The following STARD8 variants were observed in gnomAD, a reference collection of about 807,000 sequenced individuals.
STARD8 encodes the protein StAR related lipid transfer domain containing 8, also known as stAR-related lipid transfer protein 8.
In STARD8, 25 loss-of-function variants were observed where a neutral mutation model predicts 69.4. That is an observed-to-expected ratio of 0.36 (90% CI 0.26 to 0.50). The LOEUF is 0.50. STARD8 is among the 20% of genes least tolerant of loss of function. The probability of loss-of-function intolerance (pLI) is 0.96; values close to 1 mark genes in which losing one functional copy is unlikely to be tolerated. For synonymous variants in STARD8, 389 were observed against 374.6 expected, an observed-to-expected ratio of 1.04 and a Z score of -0.45; for missense variants, 921 against 932.5, an observed-to-expected ratio of 0.99 and a Z score of 0.16.
At position 68,649,287 on chromosome X, in the gene STARD8, GT is replaced by G. The variant is rs764286591; in HGVS notation, c.45+1363del. On this transcript the variant is annotated intron_variant, in intron 1 of 14. Coordinates refer to ENST00000374599, the MANE Select transcript of STARD8 (RefSeq NM_001142503.3). ...GGCAGAGGGAACTTCGTGAGCTAGA[GT>G]TTGGAGGCAGTCAAATGGTAGTGGG... Among the ~76,000 whole-genome samples the G allele has an allele frequency of 2.7e-5, 3 of 111,641 alleles. No homozygotes were observed. In the East Asian group the frequency reaches 8.5e-4, roughly 32 times the overall value.
At chrX:68,659,203 G>A (rs1214073697) in intron 1 of STARD8, among the ~76,000 whole-genome samples, 2 of 112,049 alleles carry the variant, frequency 1.8e-5, no homozygotes, top group African/African-American at 6.5e-5. Flanking sequence ...CACAATGGGT[G>A]CTCAGTAAAT....
At chrX:68,650,348 C>T (rs1285127849) in intron 1 of STARD8, among the ~76,000 whole-genome samples, 3 of 108,195 alleles carry the variant, frequency 2.8e-5, no homozygotes, top group Non-Finnish European at 5.7e-5. Context: ...ATTGCTTGAG[C>T]CCAGGAGTTC....
intron 8 of STARD8, among the ~76,000 whole-genome samples, chrX:68,720,677 A>T (rs1353166965): frequency 1.8e-5 from 2 of 112,650 alleles, no homozygotes; most frequent in Non-Finnish European, 3.8e-5. Flanking sequence ...GGGAGCCTGA[A>T]TTTGCCTAGA....
At chrX:68,690,437 G>A (rs1057324097) in intron 2 of STARD8, among the ~76,000 whole-genome samples, 2 of 105,682 alleles carry the variant, frequency 1.9e-5, no homozygotes, top group African/African-American at 3.7e-5. Flanking sequence ...CAGGCAGGGC[G>A]GGGGGACTGT....
chrX:68,698,364 A>G (rs747600323), intron 2 of STARD8, among the ~76,000 whole-genome samples: 2 of 111,374 alleles, frequency 1.8e-5, no homozygotes, highest in Non-Finnish European at 3.8e-5. Context: ...AGAAATGCCC[A>G]CCCAAAGGGT....
chrX:68,669,960 C>T (rs1224190162), intron 2 of STARD8, among the ~76,000 whole-genome samples: 1 of 112,367 alleles, frequency 8.9e-6, no homozygotes, highest in Admixed American at 9.4e-5. Context: ...ATAACGGAGT[C>T]TTGACAGATC....
intron 1 of STARD8, among the ~76,000 whole-genome samples, chrX:68,650,986 A>G (rs1272697318): frequency 8.9e-6 from 1 of 112,533 alleles, no homozygotes; most frequent in Non-Finnish European, 1.9e-5. Context: ...ATGCACAGGC[A>G]CACCATTCAA....
Position 68,718,433 on chromosome X carries a change from C to A in STARD8, c.1519C>A (p.Pro507Thr). The change falls in exon 6 of 15, where the codon CCC (proline) becomes ACC (threonine). Residue 507 changes from proline to threonine, a missense_variant. Physicochemically the swap from Pro to Thr is conservative, Grantham distance 38 (BLOSUM62 -1). Transcript: ENST00000374599. ...GCAGGAGGCACATTCAGGCGGGGAA[C>A]CCACCTTTGCCTCTAGCCTGTCTGT... ...SEQEAHSGGE[P>T]TFASSLSVEE... is the part of the protein sequence containing the mutation. The A allele has an allele frequency of 8.3e-7, 1 of 1,210,986 alleles. No homozygotes were observed. The highest frequency in any genetic ancestry group is 1.1e-6 in the Non-Finnish European group (1 of 895,148).
At chrX:68,681,264 G>A (rs1393808346) in intron 2 of STARD8, among the ~76,000 whole-genome samples, 2 of 111,594 alleles carry the variant, frequency 1.8e-5, no homozygotes, top group African/African-American at 3.3e-5. Context: ...GAAAGCTGCC[G>A]TACGCTGCTA....
chrX:68,721,237 T>A, intron 9 of STARD8, 115 bp downstream of exon 9: 1 of 868,789 alleles, frequency 1.2e-6, no homozygotes, highest in Non-Finnish European at 1.6e-6. Context: ...TGTGAGCTGA[T>A]TGGAACAGTT....
chrX:68,654,733 G>GCACA (rs755613596), intron 1 of STARD8, among the ~76,000 whole-genome samples: 1,150 of 108,489 alleles, frequency 0.011, 16 homozygotes, highest in African/African-American at 0.037. Context: ...TCACATTCAT[G>GCACA]CACACACACA....
chrX:68,671,472 A>G (rs2079728138), intron 2 of STARD8, among the ~76,000 whole-genome samples: 1 of 113,096 alleles, frequency 8.8e-6, no homozygotes, highest in African/African-American at 3.2e-5. Context: ...CTGGATTCCC[A>G]GAACTAAGCA....
chrX:68,659,261 G>A (rs1029652253), intron 1 of STARD8, among the ~76,000 whole-genome samples: 1 of 111,635 alleles, frequency 9.0e-6, no homozygotes, highest in Non-Finnish European at 1.9e-5. Context: ...GGTGACCCTG[G>A]GCCCATAGCT....
intron 2 of STARD8, among the ~76,000 whole-genome samples, chrX:68,679,306 G>C (rs746389267): frequency 1.8e-5 from 2 of 111,514 alleles, no homozygotes; most frequent in African/African-American, 6.5e-5. Context: ...GGGACTTGGA[G>C]ACTCCTGGCT....
In STARD8 at chrX:68,658,514, G is replaced by GA. The variant is rs201423374; in HGVS notation, c.46-6976dup. ...ACTTCTATGAACTTCCAGGCCAAATGAAAAAAAAATGCTGCTCCCAAATGT... is the reference window on the plus strand; with the variant it reads ...ACTTCTATGAACTTCCAGGCCAAATGAAAAAAAAAATGCTGCTCCCAAATGT... On this transcript the variant is annotated intron_variant, in intron 1 of 14. Coordinates refer to ENST00000374599, the MANE Select transcript of STARD8 (RefSeq NM_001142503.3). Among the ~76,000 whole-genome samples the GA allele has an allele frequency of 4.6e-3, 503 of 109,644 alleles. 3 individuals carry two copies. The highest frequency in any genetic ancestry group is 0.016 in the African/African-American group (470 of 30,206).
At chrX:68,712,435 G>A (rs1370646431) in intron 2 of STARD8, among the ~76,000 whole-genome samples, 1 of 112,814 alleles carries the variant, frequency 8.9e-6, no homozygotes, top group African/African-American at 3.2e-5. Flanking sequence ...TCAAAGTGCT[G>A]AAGAATGTTA....
intron 2 of STARD8, among the ~76,000 whole-genome samples, chrX:68,671,719 C>A (rs1333310170): frequency 8.9e-6 from 1 of 112,147 alleles, no homozygotes; most frequent in Non-Finnish European, 1.9e-5. Flanking sequence ...TGGTGCAGAT[C>A]CGTGTAAAAC....
chrX:68,717,196 G>T lies in STARD8; in HGVS notation c.298-16G>T. On this transcript the variant is annotated splice_polypyrimidine_tract_variant and intron_variant, in intron 5 of 14. Coordinates refer to ENST00000374599, the MANE Select transcript of STARD8 (RefSeq NM_001142503.3). ...GCCTGGGCTTCTCTGACCTGATCCT[G>T]CAGTGCCTTTCCCAGAATGAAGACT... is the stretch of plus-strand genomic sequence containing the variant. 10 of 1,174,390 alleles carry T rather than the reference G, an allele frequency of 8.5e-6. No homozygotes were observed. Among genetic ancestry groups the T allele is most frequent in the Non-Finnish European group, 1.1e-5 (10 of 875,402 alleles).
At chrX:68,719,037 T>C (rs1425104540) in intron 6 of STARD8, among the ~76,000 whole-genome samples, 188 bp from the exon 7 acceptor site, 1 of 111,048 alleles carries the variant, frequency 9.0e-6, no homozygotes, top group Admixed American at 9.6e-5. Flanking sequence ...CAAGAACTTC[T>C]TGGCCCCTAA....
Sources: gnomAD v4.1 joint callset for allele counts (sites outside exome capture counted in the v4.1 genomes callset) on GRCh38, gnomAD v4.1.1 for gene constraint, MANE v1.5 for transcripts, NCBI Gene and HGNC (gene_info 2026-07-23, HGNC 2026-07-21) for gene names.